Variants in PGPEP1L observed in about 807,000 individuals in gnomAD.
PGPEP1L encodes the protein pyroglutamyl-peptidase I like.
Under a neutral mutation model 6.0 loss-of-function variants are expected in PGPEP1L, and 7 were observed. The ratio of observed to expected loss-of-function variants is 1.17; its 90% confidence interval spans 0.66 to 2.19. The LOEUF (loss-of-function observed/expected upper bound fraction) is 2.19. PGPEP1L is among the 30% of genes most tolerant of loss of function. PGPEP1L has a pLI of 0.00. For missense variants in PGPEP1L, 209 were observed against 192.5 expected (o/e 1.09, Z -0.51); for synonymous variants, 103 against 83.9 (o/e 1.23, Z -1.24).
At chr15:98,985,202 C>G (rs1245786386) in intron 2 of PGPEP1L, among the ~76,000 whole-genome samples, 3 of 152,096 alleles carry the variant, frequency 2.0e-5, no homozygotes, top group Non-Finnish European at 4.4e-5. Flanking sequence ...CTTCGCTCAC[C>G]CTCAGGTCCT....
chr15:98,989,441 GT>G (rs1398297626), intron 2 of PGPEP1L, among the ~76,000 whole-genome samples: 24 of 152,152 alleles, frequency 1.6e-4, no homozygotes, highest in African/African-American at 5.8e-4. Context: ...AGAAAAAAGA[GT>G]GAAAAGAAAC....
intron 2 of PGPEP1L, among the ~76,000 whole-genome samples, chr15:98,997,514 G>A (rs749793552): frequency 2.6e-5 from 4 of 152,182 alleles, no homozygotes; most frequent in Non-Finnish European, 1.5e-5. Context: ...GCAGACAAGT[G>A]CCCCAAGGAG....
At position 99,001,645 on chromosome 15, in the gene PGPEP1L, T is replaced by A. The variant is rs55916132; in HGVS notation, c.-142+3784A>T. Among the ~76,000 whole-genome samples the A allele has an allele frequency of 4.9e-3, 749 of 152,290 alleles. 14 individuals are homozygous for A. Among genetic ancestry groups the A allele is most frequent in the African/African-American group, 0.017 (715 of 41,546 alleles). Reference sequence around the variant, plus strand: ...ACAACCTGGATGAACCTTAAATTACTCCAAGTGAAAAAGAACCAATCTCAA... The same window carrying A: ...ACAACCTGGATGAACCTTAAATTACACCAAGTGAAAAAGAACCAATCTCAA... On this transcript the variant is annotated intron_variant, in intron 2 of 4. Coordinates refer to ENST00000535714, the MANE Select transcript of PGPEP1L (RefSeq NM_001167902.2).
intron 2 of PGPEP1L, among the ~76,000 whole-genome samples, chr15:98,983,158 GA>G (rs555591048): frequency 2.1e-3 from 160 of 75,242 alleles, no homozygotes; most frequent in South Asian, 7.5e-3. Flanking sequence ...GTTCTCTTGG[GA>G]AAAAAAAAAA....
chr15:98,970,373 TAAAG>T (rs1464718582), intron 3 of PGPEP1L, among the ~76,000 whole-genome samples: 5 of 152,198 alleles, frequency 3.3e-5, no homozygotes, highest in African/African-American at 1.2e-4. Context: ...GAAACTTTAA[TAAAG>T]GAAGTTAGTG....
chr15:98,987,555 A>G (rs2151761576), intron 2 of PGPEP1L, among the ~76,000 whole-genome samples: 1 of 152,280 alleles, frequency 6.6e-6, no homozygotes, highest in Non-Finnish European at 1.5e-5. Context: ...TTCAGCAGGG[A>G]TGGCAGTGGT....
intron 2 of PGPEP1L, among the ~76,000 whole-genome samples, chr15:98,975,391 T>G (rs2017553422): frequency 6.6e-6 from 1 of 152,224 alleles, no homozygotes; most frequent in Non-Finnish European, 1.5e-5. Flanking sequence ...AAGGAATAAG[T>G]TCCAGTGTTC....
intron 2 of PGPEP1L, among the ~76,000 whole-genome samples, chr15:99,000,249 A>C (rs1163858647): frequency 6.6e-6 from 1 of 152,216 alleles, no homozygotes; most frequent in African/African-American, 2.4e-5. Context: ...CCTGCCGGGC[A>C]GGGCTCAGGA....
At chr15:98,970,935 G>T (rs919489306) in intron 3 of PGPEP1L, 101 bp downstream of exon 3, 20 of 1,518,216 alleles carry the variant, frequency 1.3e-5, no homozygotes, top group South Asian at 2.6e-5. Context: ...TGGGGACGGG[G>T]TGCCCCTCAA....
chr15:98,979,633 C>CTTTTTTTTT lies in PGPEP1L; in HGVS notation c.-141-8484_-141-8476dup, dbSNP rs568793204. Reference sequence around the variant, plus strand: ...AACCTGGATGGGATTGGAGACTATTCTTTTTTTTTTTTTTTTTTTTTTTTT... The same window carrying CTTTTTTTTT: ...AACCTGGATGGGATTGGAGACTATTCTTTTTTTTTTTTTTTTTTTTTTTTTTTTTTTTTT... On this transcript the variant is annotated intron_variant, in intron 2 of 4. Transcript: ENST00000535714. Among the ~76,000 whole-genome samples the CTTTTTTTTT allele has an allele frequency of 1.5e-3, 69 of 46,498 alleles. 6 individuals carry two copies. The highest frequency in any genetic ancestry group is 1.9e-3 in the Non-Finnish European group (40 of 21,262). The allele number at this position is 46,498 out of a possible 152,430, so 30.5% of individuals were successfully genotyped here. A position where few individuals can be genotyped will look rare whatever the true frequency, so the allele number is the denominator to read the frequency against.
At chr15:98,996,706 C>T (rs1031782010) in intron 2 of PGPEP1L, among the ~76,000 whole-genome samples, 2 of 151,976 alleles carry the variant, frequency 1.3e-5, no homozygotes, top group Non-Finnish European at 2.9e-5. Flanking sequence ...CGCGTGGGTA[C>T]GTGTTTGGTC....
At chr15:99,002,601 G>A (rs1555473178) in intron 2 of PGPEP1L, among the ~76,000 whole-genome samples, 1 of 151,956 alleles carries the variant, frequency 6.6e-6, no homozygotes, top group Non-Finnish European at 1.5e-5. Context: ...CTGGGTAAAG[G>A]GTACAGGGAA....
rs1355064009 is a variant in PGPEP1L at position 99,006,679 on chromosome 15, G to A, written c.-370+680C>T. On this transcript the variant is annotated intron_variant, in intron 1 of 4. Transcript: ENST00000535714. Reference sequence around the variant, plus strand: ...CTGCATCAATTATTTTTTTCAAAACGTGGTATATGCCCATAGTCCTGGCTT... The same window carrying A: ...CTGCATCAATTATTTTTTTCAAAACATGGTATATGCCCATAGTCCTGGCTT... 2.0e-5 allele frequency among the ~76,000 whole-genome samples: 3 copies of A among 152,146 alleles called. No homozygotes were observed. In the East Asian group the frequency reaches 5.8e-4, roughly 29 times the overall value.
In PGPEP1L at chr15:98,972,137, G is replaced by C. The variant is rs2151754360; in HGVS notation, c.-141-979C>G. Among the ~76,000 whole-genome samples, 4 of 152,268 alleles carry C rather than the reference G, an allele frequency of 2.6e-5. 1 individual carries two copies. Among genetic ancestry groups the C allele is most frequent in the Admixed American group, 2.6e-4 (4 of 15,302 alleles). On this transcript the variant is annotated intron_variant, in intron 2 of 4. Coordinates refer to ENST00000535714, the MANE Select transcript of PGPEP1L (RefSeq NM_001167902.2). Reference sequence around the variant, plus strand: ...GGAGGCCGAGGTGAGTGGATCACTTGAGGTCAGGAGTTCGACACCAGCATG... The same window carrying C: ...GGAGGCCGAGGTGAGTGGATCACTTCAGGTCAGGAGTTCGACACCAGCATG...
At chr15:98,987,075 G>A (rs782558700) in intron 2 of PGPEP1L, among the ~76,000 whole-genome samples, 2 of 141,608 alleles carry the variant, frequency 1.4e-5, no homozygotes, top group Non-Finnish European at 1.5e-5. Flanking sequence ...GCTGAGACAG[G>A]AGAATTGCTT....
chr15:98,989,588 C>G (rs565970244), intron 2 of PGPEP1L, among the ~76,000 whole-genome samples: 1 of 152,184 alleles, frequency 6.6e-6, no homozygotes, highest in African/African-American at 2.4e-5. Flanking sequence ...CTTCCCCAAC[C>G]TAGCAAGGCA....
rs1422897254 is a variant in PGPEP1L, at chr15:98,968,579, T to C, written c.328A>G (p.Arg110Gly). Residue 110 changes from arginine to glycine, a missense_variant, in exon 5 of 5, where the codon AGA becomes GGA. Coordinates refer to ENST00000535714, the MANE Select transcript of PGPEP1L (RefSeq NM_001167902.2). ...TCCAGCATTTCCTGGATGATGACTC[T>C]CAAGGCTCTTCCCAGCAGGCTGGCC... ...LPASLLGRAL[R>G]VIIQEMLEEV... 1.2e-6 allele frequency: 2 copies of C among 1,611,718 alleles called. No homozygotes were observed. The highest frequency in any genetic ancestry group is 1.7e-5 in the Admixed American group (1 of 59,746).
chr15:98,969,393 C>T (rs776657762), intron 4 of PGPEP1L, 32 bp downstream of exon 4: 3 of 1,611,410 alleles, frequency 1.9e-6, no homozygotes, highest in Non-Finnish European at 2.5e-6. Flanking sequence ...TCTCTCCTAC[C>T]TGCTCAGAGT....
chr15:98,980,609 G>A (rs1596516356), intron 2 of PGPEP1L, among the ~76,000 whole-genome samples: 1 of 152,258 alleles, frequency 6.6e-6, no homozygotes, highest in East Asian at 1.9e-4. Flanking sequence ...TCCTTCCAAA[G>A]AGGACAGGAT....
Sources: allele counts gnomAD v4.1 joint callset (sites outside exome capture counted in the v4.1 genomes callset), GRCh38; gene constraint gnomAD v4.1.1; transcripts MANE v1.5; gene names NCBI Gene and HGNC (gene_info 2026-07-23, HGNC 2026-07-21).